ERBIN: variants seen among roughly 807,000 people sequenced by gnomAD.
The protein encoded by ERBIN is erbb2 interacting protein.
Under a neutral mutation model 158.4 loss-of-function variants are expected in ERBIN, and 60 were observed. The observed-to-expected ratio is 0.38, with a 90% CI of 0.31 to 0.47. The LOEUF is 0.47. Ranked by LOEUF, ERBIN falls within the 20% of genes least tolerant of loss-of-function variation. The probability of loss-of-function intolerance (pLI) is 0.99; values close to 1 mark genes in which losing one functional copy is unlikely to be tolerated. For synonymous variants in ERBIN, 594 were observed against 557.2 expected, an observed-to-expected ratio of 1.07 and a Z score of -0.93; for missense variants, 1,610 against 1,648.0, an observed-to-expected ratio of 0.98 and a Z score of 0.40.
At chr5:66,054,990 CTTAA>C (rs1561435454) in intron 21 of ERBIN, 39 bp downstream of exon 21, 3 of 1,496,186 alleles carry the variant, frequency 2.0e-6, no homozygotes, top group Admixed American at 2.3e-5. Context: ...TCTTTATGAA[CTTAA>C]TTATTTTCCT....
At position 66,064,595 on chromosome 5, in the gene ERBIN, G is replaced by A. The variant is rs1760799565; in HGVS notation, c.3634-7574G>A. Among the ~76,000 whole-genome samples, 5 of 152,240 alleles carry A rather than the reference G, an allele frequency of 3.3e-5. No homozygotes were observed. In the South Asian group the frequency reaches 6.2e-4, roughly 19 times the overall value. On this transcript the variant is annotated intron_variant, in intron 21 of 25. Coordinates refer to ENST00000284037, the MANE Select transcript of ERBIN (RefSeq NM_001253697.2). The stretch of plus-strand genomic sequence containing the variant: ...AAGTTGACACAATAAACAAAAGAGA[G>A]CCACTATTATTTCCTGAGCATATAG...
In ERBIN at chr5:66,050,859, T is replaced by G. The variant is rs1216112185; in HGVS notation, c.1980T>G (p.Ser660=). The G allele has an allele frequency of 6.2e-7, 1 of 1,603,408 alleles. No individual in the cohort carries two copies. Among genetic ancestry groups the G allele is most frequent in the Non-Finnish European group, 8.5e-7 (1 of 1,175,958 alleles). ...NSNQNNSNCS[S]PSRMSDSVSL... is the part of the protein sequence containing the mutation. The stretch of plus-strand genomic sequence containing the variant: ...ATCAGAATAACAGCAATTGTTCTTC[T>G]CCATCTCGGATGTCTGATTCAGTTT... The change falls in exon 20 of 26, where the codon TCT becomes TCG. Residue 660 remains serine, a synonymous_variant. Transcript: ENST00000284037.
chr5:65,945,788 T>C (rs1188611467), intron 1 of ERBIN, among the ~76,000 whole-genome samples: 1 of 152,198 alleles, frequency 6.6e-6, no homozygotes, highest in Non-Finnish European at 1.5e-5. Context: ...GAAATTAAGT[T>C]TTTATTTTGA....
intron 1 of ERBIN, among the ~76,000 whole-genome samples, chr5:65,980,229 A>G (rs192111349): frequency 2.7e-4 from 41 of 152,284 alleles, no homozygotes. Context: ...CAGCCTGGCC[A>G]ACATGGGGAA....
At chr5:65,943,502 A>T (rs1341275547) in intron 1 of ERBIN, among the ~76,000 whole-genome samples, 1 of 152,224 alleles carries the variant, frequency 6.6e-6, no homozygotes, top group Non-Finnish European at 1.5e-5. Flanking sequence ...CTGAGAAATG[A>T]TTTAAATGAA....
intron 21 of ERBIN, among the ~76,000 whole-genome samples, chr5:66,071,203 T>C (rs1296522630): frequency 6.6e-6 from 1 of 152,036 alleles, no homozygotes; most frequent in Non-Finnish European, 1.5e-5. Context: ...CCTCCCCGCC[T>C]ACAAAAATTA....
chr5:65,956,062 G>T (rs1280279567), intron 1 of ERBIN, among the ~76,000 whole-genome samples: 2 of 152,172 alleles, frequency 1.3e-5, no homozygotes, highest in Non-Finnish European at 2.9e-5. Flanking sequence ...TATTCTGAGG[G>T]ATCTGGAAAT....
intron 14 of ERBIN, among the ~76,000 whole-genome samples, chr5:66,032,011 A>G (rs1007569221): frequency 3.3e-5 from 5 of 152,072 alleles, no homozygotes; most frequent in Admixed American, 2.6e-4. Context: ...CCAACTAGAC[A>G]TAAGATTTAA....
chr5:66,019,380 G>A (rs1446765626), intron 7 of ERBIN, among the ~76,000 whole-genome samples: 1 of 152,116 alleles, frequency 6.6e-6, no homozygotes, highest in Non-Finnish European at 1.5e-5. Flanking sequence ...AATACTGGAG[G>A]GCACAGTACT....
At chr5:66,047,260 A>G (rs912736086) in intron 18 of ERBIN, among the ~76,000 whole-genome samples, 3 of 152,118 alleles carry the variant, frequency 2.0e-5, no homozygotes, top group African/African-American at 7.2e-5. Flanking sequence ...TGTTTCACCT[A>G]GCATAATGTG....
intron 1 of ERBIN, among the ~76,000 whole-genome samples, chr5:65,950,824 TAAGG>T (rs1192444124): frequency 6.6e-6 from 1 of 152,156 alleles, no homozygotes; most frequent in Non-Finnish European, 1.5e-5. Flanking sequence ...AGTTGTCTTT[TAAGG>T]GGTATGTCAT....
chr5:66,023,091 T>G (rs1722552430), intron 8 of ERBIN, 199 bp from the exon 9 acceptor site: 1 of 420,480 alleles, frequency 2.4e-6, no homozygotes, highest in South Asian at 5.5e-5. Context: ...TTTTCTATAA[T>G]AATTTTACTG....
intron 1 of ERBIN, among the ~76,000 whole-genome samples, chr5:65,935,086 T>A (rs1235463006): frequency 6.6e-6 from 1 of 152,182 alleles, no homozygotes; most frequent in Non-Finnish European, 1.5e-5. Context: ...CCTCTTCATA[T>A]ACAAAGCTAG....
chr5:65,983,079 T>C (rs1750824740), intron 1 of ERBIN, among the ~76,000 whole-genome samples: 1 of 152,222 alleles, frequency 6.6e-6, no homozygotes, highest in Admixed American at 6.5e-5. Context: ...AATGTAAGGA[T>C]TCCTTGGTAA....
chr5:66,046,740 G>A lies in ERBIN; in HGVS notation c.1788+202G>A, dbSNP rs186317736. On this transcript the variant is annotated intron_variant, in intron 18 of 25. Transcript: ENST00000284037. Reference sequence around the variant, plus strand: ...GCCCTTTGTATTCAGATGTTTATGCGAATTAGATTATAGATAGTCTAGGCT... The same window carrying A: ...GCCCTTTGTATTCAGATGTTTATGCAAATTAGATTATAGATAGTCTAGGCT... 2.1e-3 allele frequency among the ~76,000 whole-genome samples: 327 copies of A among 152,128 alleles called. 2 individuals carry two copies. The highest frequency in any genetic ancestry group is 7.7e-3 in the African/African-American group (320 of 41,512).
chr5:66,029,577 G>C (rs1206373014), intron 14 of ERBIN, among the ~76,000 whole-genome samples: 1 of 151,910 alleles, frequency 6.6e-6, no homozygotes, highest in East Asian at 1.9e-4. Context: ...GTTCTGTCCT[G>C]TCCTGTCCTG....
rs376466979 is a variant in ERBIN at position 66,054,012 on chromosome 5, C to A, written c.2694C>A (p.Thr898=). Residue 898 remains threonine (T), a synonymous_variant, in exon 21 of 26, where the codon ACC becomes ACA. Coordinates refer to ENST00000284037, the MANE Select transcript of ERBIN (RefSeq NM_001253697.2). ...SDNGPQQPST[T]VKITSAVDGK... ...ATGGACCTCAGCAGCCAAGTACAACCGTTAAAATCACATCTGCTGTTGATG... is the reference window on the plus strand; with the variant it reads ...ATGGACCTCAGCAGCCAAGTACAACAGTTAAAATCACATCTGCTGTTGATG... 6.2e-7 allele frequency: 1 copy of A among 1,614,012 alleles called. No individual in the cohort carries two copies. The highest frequency in any genetic ancestry group is 8.5e-7 in the Non-Finnish European group (1 of 1,179,986).
In ERBIN at chr5:65,989,901, C is replaced by G. The variant is rs1302967138; in HGVS notation, c.-10+1219C>G. ...AGTTGTATTCTTAAAATGTCTAGAA[C>G]AAGAAATTTTGTATTCATTTTTGGA... On this transcript the variant is annotated intron_variant, in intron 2 of 25. Coordinates refer to ENST00000284037, the MANE Select transcript of ERBIN (RefSeq NM_001253697.2). 2.6e-5 allele frequency among the ~76,000 whole-genome samples: 4 copies of G among 152,172 alleles called. No homozygotes were observed. In the East Asian group the frequency reaches 7.7e-4, roughly 29 times the overall value.
chr5:65,940,898 T>C (rs1744917313), intron 1 of ERBIN, among the ~76,000 whole-genome samples: 1 of 152,060 alleles, frequency 6.6e-6, no homozygotes, highest in East Asian at 1.9e-4. Context: ...GGGAAAGGAT[T>C]GAGAAATTGG....
Sources: allele counts gnomAD v4.1 joint callset (sites outside exome capture counted in the v4.1 genomes callset), GRCh38; gene constraint gnomAD v4.1.1; transcripts MANE v1.5; gene names NCBI Gene and HGNC (gene_info 2026-07-23, HGNC 2026-07-21).